Variants in SH2D5 observed in about 807,000 individuals in gnomAD.
SH2D5 encodes SH2 domain containing 5.
A neutral mutation model predicts 48.2 loss-of-function variants in SH2D5; 45 were observed. That is an observed-to-expected ratio of 0.93 (90% CI 0.73 to 1.20). SH2D5 has a LOEUF of 1.20. Among genes scored for constraint, SH2D5 ranks in the 50% most tolerant of loss-of-function variants. The pLI is 0.00. For missense variants in SH2D5, 538 were observed against 584.1 expected, an observed-to-expected ratio of 0.92 and a Z score of 0.81; for synonymous variants, 230 against 249.8, an observed-to-expected ratio of 0.92 and a Z score of 0.75.
Position 20,721,410 on chromosome 1 carries a change from C to A in SH2D5, c.*382G>T. ...TCTTTCTGGAGACTCCCAGTCAGCG[C>A]CCCAAGGCCTAGCCTCCTTAGGAGA... On this transcript the variant is annotated 3_prime_UTR_variant, in exon 10 of 10. Transcript: ENST00000444387. 4.9e-6 allele frequency: 1 copy of A among 202,646 alleles called. No individual in the cohort carries two copies. The highest frequency in any genetic ancestry group is 9.8e-6 in the Non-Finnish European group (1 of 101,574). 12.6% of individuals were successfully genotyped at this position (202,646 alleles called of 1,614,324 possible). A position where few individuals can be genotyped will look rare whatever the true frequency, so the allele number is the denominator to read the frequency against.
At chr1:20,726,661 C>T (rs1025984335) in intron 4 of SH2D5, among the ~76,000 whole-genome samples, 1 of 152,144 alleles carries the variant, frequency 6.6e-6, no homozygotes, top group Admixed American at 6.5e-5. Flanking sequence ...CAGCCTACCG[C>T]ACCTGGGTGA....
rs182578208 is a variant in SH2D5 at position 20,727,062 on chromosome 1, C to T, written c.182G>A (p.Arg61His). Residue 61 changes from arginine to histidine, a missense_variant, in exon 4 of 10, where the codon CGC (arginine) becomes CAC (histidine). Arg to His is a conservative substitution (Grantham distance 29). Transcript: ENST00000444387. ...GCTGAATTTCAGGATGACGGCCCGG[C>T]GTCGGGGACAGTCCTGGGTGGAAAA... is the stretch of plus-strand genomic sequence containing the variant. ...QLWALKDCPRRRAVILKFSLQ... is the reference protein window; with the variant it reads ...QLWALKDCPRHRAVILKFSLQ... 169 of 1,611,514 alleles carry T rather than the reference C, an allele frequency of 1.0e-4. No homozygotes were observed. Among genetic ancestry groups the T allele is most frequent in the Non-Finnish European group, 1.4e-4 (166 of 1,178,880 alleles).
rs2054920764 is a variant in SH2D5 at position 20,732,099 on chromosome 1, C to G, written c.-43+82G>C. The stretch of plus-strand genomic sequence containing the variant: ...CTGGGTGCCCGCTTCCCGCCGCCCC[C>G]GACCCCGGTCCCCGCGCCCCCACAC... On this transcript the variant is annotated intron_variant, in intron 1 of 9. Coordinates refer to ENST00000444387, the MANE Select transcript of SH2D5 (RefSeq NM_001103161.2). The surrounding 1 kb of genome is among the most constrained non-coding windows in gnomAD (Gnocchi z 5.1). 1 of 152,212 alleles carries G rather than the reference C, an allele frequency of 6.6e-6. No individual in the cohort carries two copies. Among genetic ancestry groups the G allele is most frequent in the Admixed American group, 6.6e-5 (1 of 15,194 alleles). The allele number at this position is 152,212 out of a possible 1,614,324, so 9.4% of individuals were successfully genotyped here. A position where few individuals can be genotyped will look rare whatever the true frequency, so the allele number is the denominator to read the frequency against.
At chr1:20,727,300 C>T (rs531196950) in intron 3 of SH2D5, among the ~76,000 whole-genome samples, 1 of 152,282 alleles carries the variant, frequency 6.6e-6, no homozygotes, top group South Asian at 2.1e-4. Context: ...CTATCACCCA[C>T]ATCTCCATCT....
At chr1:20,723,876 C>G in intron 7 of SH2D5, 142 bp from the exon 8 acceptor site, 1 of 980,908 alleles carries the variant, frequency 1.0e-6, no homozygotes, top group South Asian at 1.6e-5. Flanking sequence ...GGGCCTTCCG[C>G]CCGACAGTTC....
In SH2D5 at chr1:20,722,824, C is replaced by A; in HGVS notation, c.1000G>T (p.Val334Leu). The part of the protein sequence containing the change: ...LGASGQWCLS[V>L]RTQCGVVPHQ... ...GGCACCACGCCGCACTGCGTGCGCA[C>A]GGACAGACACCACTGGCCGCTAGCA... Residue 334 changes from valine to leucine, a missense_variant, in exon 9 of 10, where the codon GTG (valine) becomes TTG (leucine). Coordinates refer to ENST00000444387, the MANE Select transcript of SH2D5 (RefSeq NM_001103161.2). 6.2e-7 allele frequency: 1 copy of A among 1,603,866 alleles called. No individual in the cohort carries two copies. Among genetic ancestry groups the A allele is most frequent in the Non-Finnish European group, 8.5e-7 (1 of 1,175,740 alleles).
intron 3 of SH2D5, 93 bp from the exon 4 acceptor site, chr1:20,727,168 C>A: frequency 9.4e-7 from 1 of 1,060,848 alleles, no homozygotes; most frequent in Non-Finnish European, 1.4e-6. Flanking sequence ...GGCTGGTCAG[C>A]CCACTCCACC....
At chr1:20,727,834 C>T in intron 2 of SH2D5, 124 bp downstream of exon 2, 1 of 939,304 alleles carries the variant, frequency 1.1e-6, no homozygotes. Context: ...ACACACTCCC[C>T]AGCCCAAGTC....
At chr1:20,722,705 G>A in intron 9 of SH2D5, 51 bp downstream of exon 9, 1 of 1,405,040 alleles carries the variant, frequency 7.1e-7, no homozygotes, top group Non-Finnish European at 9.3e-7. Context: ...GGCCAGGGAT[G>A]GAGCCAATGA....
chr1:20,726,851 C>T, intron 4 of SH2D5, 150 bp downstream of exon 4: 1 of 597,968 alleles, frequency 1.7e-6, no homozygotes. Flanking sequence ...AATCCAAAGG[C>T]CCAGAGCAGG....
intron 9 of SH2D5, among the ~76,000 whole-genome samples, chr1:20,722,469 C>T (rs1333704706): frequency 1.3e-5 from 2 of 152,288 alleles, no homozygotes; most frequent in South Asian, 2.1e-4. Context: ...CCAGGCACCT[C>T]CCTTCCCCTC....
Position 20,721,991 on chromosome 1 carries a change from A to C in SH2D5, c.1073T>G (p.Leu358Arg). 6.2e-7 allele frequency: 1 copy of C among 1,612,592 alleles called. No homozygotes were observed. The highest frequency in any genetic ancestry group is 1.1e-5 in the South Asian group (1 of 91,018). The part of the protein sequence containing the change: ...NHLGRYCLEH[L>R]PAEFPSLEAL... ...CTCCAGGCTGGGGAACTCTGCCGGC[A>C]GGTGCTAGGGGAGGAAGGGACTTCA... Residue 358 changes from leucine (L) to arginine (R), a missense_variant, in exon 10 of 10, where the codon CTG (leucine) becomes CGG (arginine). By Grantham distance (102) the Leu-to-Arg change is moderately radical. Transcript: ENST00000444387.
chr1:20,730,313 G>C (rs904294911), intron 1 of SH2D5, among the ~76,000 whole-genome samples: 14 of 56,890 alleles, frequency 2.5e-4, no homozygotes, highest in South Asian at 8.2e-4. Flanking sequence ...GCTCGGGGGG[G>C]GGGGGGACGC....
chr1:20,726,899 G>T, intron 4 of SH2D5, 102 bp downstream of exon 4: 1 of 995,392 alleles, frequency 1.0e-6, no homozygotes. Context: ...GGGAAGCACG[G>T]GGGCCGAGCT....
rs1233340139 is a variant in SH2D5 at position 20,720,466 on chromosome 1, C to T, written c.*1326G>A. On this transcript the variant is annotated 3_prime_UTR_variant, in exon 10 of 10. Transcript: ENST00000444387. ...GGACTGCCCAGTTCCTTCCAGGAGT[C>T]AGAAATCTGTGACTTTCAAGGCACT... is the stretch of plus-strand genomic sequence containing the variant. 6.6e-6 allele frequency: 1 copy of T among 152,244 alleles called. No homozygotes were observed. The highest frequency in any genetic ancestry group is 1.5e-5 in the Non-Finnish European group (1 of 68,052). The allele number at this position is 152,244 out of a possible 1,614,324, so 9.4% of individuals were successfully genotyped here. A position where few individuals can be genotyped will look rare whatever the true frequency, so the allele number is the denominator to read the frequency against.
rs960225559 is a variant in SH2D5 at position 20,728,028 on chromosome 1, G to A, written c.17C>T (p.Ala6Val). The part of the protein sequence containing the change: MQKAG[A>V]GGRRASDCGL... ...GCAGTCAGAGGCCCTGCGGCCCCCA[G>A]CCCCCGCCTTCTGCATGGCCCCCAG... is the stretch of plus-strand genomic sequence containing the variant. Residue 6 changes from alanine (A) to valine (V), a missense_variant, in exon 2 of 10, where the codon GCT becomes GTT. Physicochemically the swap from Ala to Val is moderately conservative, Grantham distance 64. Transcript: ENST00000444387. This position sits in a 1 kb window ranked among gnomAD's most constrained non-coding sequence, Gnocchi z 4.3. 1.3e-6 allele frequency: 2 copies of A among 1,551,968 alleles called. No individual in the cohort carries two copies. Among genetic ancestry groups the A allele is most frequent in the Admixed American group, 3.8e-5 (2 of 51,958 alleles).
At chr1:20,723,989 A>G in intron 7 of SH2D5, 94 bp downstream of exon 7, 1 of 1,486,594 alleles carries the variant, frequency 6.7e-7, no homozygotes, top group Non-Finnish European at 9.1e-7. Flanking sequence ...ACAGCCTTGC[A>G]GGAACGGGCA....
chr1:20,727,936 T>A, intron 2 of SH2D5, 22 bp downstream of exon 2: 1 of 1,541,004 alleles, frequency 6.5e-7, no homozygotes, highest in South Asian at 1.2e-5. Context: ...AGAGCACACC[T>A]GGACAGGGTG....
chr1:20,723,561 G>T, intron 8 of SH2D5, 65 bp downstream of exon 8: 1 of 1,299,966 alleles, frequency 7.7e-7, no homozygotes, highest in Non-Finnish European at 1.1e-6. Flanking sequence ...CAGGGGCCTG[G>T]GAAGCCCATA....
Sources: allele counts gnomAD v4.1 joint callset (sites outside exome capture counted in the v4.1 genomes callset), GRCh38; gene constraint gnomAD v4.1.1; non-coding constraint Gnocchi (gnomAD v3.1); transcripts MANE v1.5; gene names NCBI Gene and HGNC (gene_info 2026-07-23, HGNC 2026-07-21).